The following GNB3 variants were observed in gnomAD, a reference collection of about 807,000 sequenced individuals.
The protein encoded by GNB3 is G protein subunit beta 3.
GNB3 carries 33 observed loss-of-function variants against 41.2 expected under a neutral mutation model. The observed-to-expected ratio is 0.80, with a 90% confidence interval of 0.61 to 1.07. The LOEUF (loss-of-function observed/expected upper bound fraction) is 1.07, where lower values mean the gene tolerates loss of function less well. Ranked by LOEUF, GNB3 falls within the 50% of genes least tolerant of loss-of-function variation. The probability of loss-of-function intolerance (pLI) is 0.00; values close to 1 mark genes in which losing one functional copy is unlikely to be tolerated. For missense variants in GNB3, 409 were observed against 455.3 expected (o/e 0.90, Z 0.92); for synonymous variants, 172 against 173.4 (o/e 0.99, Z 0.06).
Position 6,847,006 on chromosome 12 carries a change from T to A in GNB3, c.*108T>A. The A allele has an allele frequency of 1.5e-6, 1 of 686,042 alleles. No individual in the cohort carries two copies. Among genetic ancestry groups the A allele is most frequent in the Non-Finnish European group, 2.6e-6 (1 of 384,116 alleles). 42.5% of individuals were successfully genotyped at this position (686,042 alleles called of 1,614,324 possible). A position where few individuals can be genotyped will look rare whatever the true frequency, so the allele number is the denominator to read the frequency against. On this transcript the variant is annotated 3_prime_UTR_variant, in exon 10 of 10. Coordinates refer to ENST00000229264, the MANE Select transcript of GNB3 (RefSeq NM_002075.4). ...TCTATATTCCGGGTGCCATTCCCAC[T>A]AAGCTTTCTCCTTTGAGGGCAGTGG...
intron 8 of GNB3, 100 bp downstream of exon 8, chr12:6,844,078 G>C (rs903473724): frequency 2.5e-5 from 12 of 486,294 alleles, no homozygotes; most frequent in East Asian, 5.3e-5. Flanking sequence ...AGCTTCCCTA[G>C]CCCTTTCTTA....
In GNB3 at chr12:6,846,814, C is replaced by T; in HGVS notation, c.939C>T (p.Asn313=). The T allele has an allele frequency of 1.3e-6, 2 of 1,597,670 alleles. No individual in the cohort carries two copies. Among genetic ancestry groups the T allele is most frequent in the Non-Finnish European group, 8.5e-7 (1 of 1,171,692 alleles). Residue 313 remains asparagine (N), a synonymous_variant, in exon 10 of 10, where the codon AAC becomes AAT. Transcript: ENST00000229264. The stretch of plus-strand genomic sequence containing the variant: ...CAGGCATCCTCTCTGGCCACGATAA[C>T]AGGGTGAGCTGCCTGGGAGTCACAG... ...ERVGILSGHD[N]RVSCLGVTAD...
rs146061530 is a variant in GNB3 at position 6,841,371 on chromosome 12, C to A, written c.57+27C>A. 5.8e-4 allele frequency: 936 copies of A among 1,600,502 alleles called. 5 individuals are homozygous for A. In the African/African-American group the frequency reaches 0.011, roughly 19 times the overall value. ...TAACTCCAGAGCCCTACCCCTGGGG[C>A]CCCAGAAAACAGCTGGGGACATGAG... On this transcript the variant is annotated intron_variant, in intron 2 of 9. Transcript: ENST00000229264.
Position 6,845,582 on chromosome 12 carries a change from T to C in GNB3, c.700-4T>C. The C allele has an allele frequency of 6.2e-7, 1 of 1,604,326 alleles. No individual in the cohort carries two copies. The highest frequency in any genetic ancestry group is 1.1e-5 in the South Asian group (1 of 91,032). ...CCTGACCCACTTGCCACCCGTGCCC[T>C]CAGTTCTTCCCCAATGGAGAGGCCA... On this transcript the variant is annotated splice_region_variant and splice_polypyrimidine_tract_variant and intron_variant, in intron 8 of 9. Transcript: ENST00000229264.
rs1457106360 is a variant in GNB3, at chr12:6,843,337, C to G, written c.268-26C>G. 6.2e-7 allele frequency: 1 copy of G among 1,613,430 alleles called. No homozygotes were observed. Among genetic ancestry groups the G allele is most frequent in the Non-Finnish European group, 8.5e-7 (1 of 1,179,404 alleles). On this transcript the variant is annotated intron_variant, in intron 5 of 9. Coordinates refer to ENST00000229264, the MANE Select transcript of GNB3 (RefSeq NM_002075.4). This position sits in a 1 kb window ranked among gnomAD's most constrained non-coding sequence, Gnocchi z 5.9. ...GCTGGGAGCTTGGCTCCGGTCCCAT[C>G]TCTGCTCAAACCACCCTCCCTGCAG...
chr12:6,844,940 ACACAATACTACAG>A (rs1555124244), intron 8 of GNB3: 1 of 152,216 alleles, frequency 6.6e-6, no homozygotes, highest in Admixed American at 6.5e-5. Flanking sequence ...CTCAACATTG[ACACAATACTACAG>A]TCTACAGTCT....
Position 6,841,340 on chromosome 12 carries a change from T to C in GNB3, c.53T>C (p.Ile18Thr). Residue 18 changes from isoleucine to threonine, a missense_variant, in exon 2 of 10, where the codon ATT (isoleucine) becomes ACT (threonine). By Grantham distance (89) the Ile-to-Thr change is moderately conservative (BLOSUM62 -1). Transcript: ENST00000229264. The part of the protein sequence containing the change: ...RQEAEQLKKQ[I>T]ADARKACADV... ...GAAGCGGAGCAGCTCAAGAAGCAGA[T>C]TGCAGTAACTCCAGAGCCCTACCCC... is the stretch of plus-strand genomic sequence containing the variant. 1 of 1,613,120 alleles carries C rather than the reference T, an allele frequency of 6.2e-7. No individual in the cohort carries two copies. Among genetic ancestry groups the C allele is most frequent in the South Asian group, 1.1e-5 (1 of 90,800 alleles).
At chr12:6,842,779 A>G (rs1943596335) in intron 3 of GNB3, among the ~76,000 whole-genome samples, 191 bp from the exon 4 acceptor site, 1 of 152,066 alleles carries the variant, frequency 6.6e-6, no homozygotes, top group Non-Finnish European at 1.5e-5. Context: ...CAAGCAACAC[A>G]CCTCTGGCCA....
In GNB3 at chr12:6,840,993, A is replaced by C; in HGVS notation, c.-71A>C. 2.1e-6 allele frequency: 1 copy of C among 483,482 alleles called. No homozygotes were observed. The highest frequency in any genetic ancestry group is 3.7e-6 in the Non-Finnish European group (1 of 270,656). The allele number at this position is 483,482 out of a possible 1,614,324, so 29.9% of individuals were successfully genotyped here. On this transcript the variant is annotated 5_prime_UTR_variant, in exon 1 of 10. Coordinates refer to ENST00000229264, the MANE Select transcript of GNB3 (RefSeq NM_002075.4). ...TGAGGGAGTAAGGAGGCTCCCAGGA[A>C]CCGGAGCTGGAAACCCGGCCGAGGT...
At chr12:6,846,688 T>TAC (rs782215016) in intron 9 of GNB3, 104 bp from the exon 10 acceptor site, 167 of 629,546 alleles carry the variant, frequency 2.7e-4, no homozygotes, top group Non-Finnish European at 4.4e-4. Flanking sequence ...CACACCCACA[T>TAC]ACACACACAC....
Position 6,847,104 on chromosome 12 carries a change from T to C in GNB3, c.*206T>C. On this transcript the variant is annotated 3_prime_UTR_variant, in exon 10 of 10. Transcript: ENST00000229264. The stretch of plus-strand genomic sequence containing the variant: ...CAAAGAACTGCCCCATCTCCTCCCA[T>C]GGCCTTCCCTCCCCACAGTCCTCAC... 1.8e-6 allele frequency: 1 copy of C among 556,262 alleles called. No individual in the cohort carries two copies. Among genetic ancestry groups the C allele is most frequent in the Non-Finnish European group, 3.2e-6 (1 of 308,258 alleles). The allele number at this position is 556,262 out of a possible 1,614,324, so 34.5% of individuals were successfully genotyped here. A position where few individuals can be genotyped will look rare whatever the true frequency, so the allele number is the denominator to read the frequency against.
At chr12:6,846,633 G>A (rs1038435085) in intron 9 of GNB3, 159 bp from the exon 10 acceptor site, 8 of 598,502 alleles carry the variant, frequency 1.3e-5, no homozygotes, top group African/African-American at 9.2e-5. Context: ...ACACACACAC[G>A]TACACACACC....
At position 6,841,013 on chromosome 12, in the gene GNB3, C is replaced by T. The variant is rs1369328788; in HGVS notation, c.-51C>T. 1.4e-5 allele frequency: 7 copies of T among 511,532 alleles called. No individual in the cohort carries two copies. Among genetic ancestry groups the T allele is most frequent in the African/African-American group, 4.0e-5 (2 of 50,022 alleles). 31.7% of individuals were successfully genotyped at this position (511,532 alleles called of 1,614,324 possible). A position where few individuals can be genotyped will look rare whatever the true frequency, so the allele number is the denominator to read the frequency against. On this transcript the variant is annotated 5_prime_UTR_variant, in exon 1 of 10. Coordinates refer to ENST00000229264, the MANE Select transcript of GNB3 (RefSeq NM_002075.4). ...CAGGAACCGGAGCTGGAAACCCGGCCGAGGTCCAGCCAGAGCCCAAGTAAG... is the reference window on the plus strand; with the variant it reads ...CAGGAACCGGAGCTGGAAACCCGGCTGAGGTCCAGCCAGAGCCCAAGTAAG...
In GNB3 at chr12:6,843,517, C is replaced by A. The variant is rs781936811; in HGVS notation, c.422C>A (p.Ala141Asp). The A allele has an allele frequency of 3.1e-6, 5 of 1,614,138 alleles. No homozygotes were observed. The East Asian group carries it at 1.1e-4, about 36-fold the overall frequency. Residue 141 changes from alanine to aspartate, a missense_variant, in exon 6 of 10, where the codon GCT becomes GAT. Coordinates refer to ENST00000229264, the MANE Select transcript of GNB3 (RefSeq NM_002075.4). This position sits in a 1 kb window ranked among gnomAD's most constrained non-coding sequence, Gnocchi z 5.9. ...GTCAAGGTCAGCCGGGAGCTTTCTG[C>A]TCACACAGGTGAGGGAGAGACCCTC... ...GNVKVSRELSAHTGYLSCCRF... is the reference protein window; with the variant it reads ...GNVKVSRELSDHTGYLSCCRF...
chr12:6,841,765 CA>C, intron 3 of GNB3, 141 bp downstream of exon 3: 1 of 727,014 alleles, frequency 1.4e-6, no homozygotes, highest in East Asian at 2.7e-5. Flanking sequence ...ATTCGACCAA[CA>C]TTTTAGCGGG....
intron 9 of GNB3, 58 bp downstream of exon 9, chr12:6,845,860 C>A (rs1943685737): frequency 1.6e-6 from 2 of 1,214,512 alleles, no homozygotes; most frequent in Non-Finnish European, 1.2e-6. Context: ...CCAGCCCTCC[C>A]TCCCCATTCT....
rs1555123795 is a variant in GNB3, at chr12:6,843,242, C to T, written c.267+5C>T. 1.2e-6 allele frequency: 2 copies of T among 1,613,570 alleles called. No individual in the cohort carries two copies. Among genetic ancestry groups the T allele is most frequent in the Middle Eastern group, 1.6e-4 (1 of 6,062 alleles). On this transcript the variant is annotated splice_donor_5th_base_variant and intron_variant, in intron 5 of 9. Coordinates refer to ENST00000229264, the MANE Select transcript of GNB3 (RefSeq NM_002075.4). The surrounding 1 kb of genome is among the most constrained non-coding windows in gnomAD (Gnocchi z 5.9). ...GACAGCTACACCACCAACAAGGTACCAGCCCTGCCTCCCTGAGCCTCCACC... is the reference window on the plus strand; with the variant it reads ...GACAGCTACACCACCAACAAGGTACTAGCCCTGCCTCCCTGAGCCTCCACC...
chr12:6,843,607 G>A lies in GNB3; in HGVS notation c.431-25G>A. On this transcript the variant is annotated intron_variant, in intron 6 of 9. Coordinates refer to ENST00000229264, the MANE Select transcript of GNB3 (RefSeq NM_002075.4). This position sits in a 1 kb window ranked among gnomAD's most constrained non-coding sequence, Gnocchi z 5.9. ...AGTGGGCTGTGGCTCTGCAGCCAGG[G>A]CACTGTCCTTCTAACCGCCTCCAGG... The A allele has an allele frequency of 6.2e-7, 1 of 1,613,450 alleles. No homozygotes were observed. Among genetic ancestry groups the A allele is most frequent in the African/African-American group, 1.3e-5 (1 of 75,014 alleles).
chr12:6,841,616 C>G lies in GNB3; in HGVS notation c.88C>G (p.Leu30Val), dbSNP rs1429928202. The G allele has an allele frequency of 6.2e-7, 1 of 1,613,032 alleles. No homozygotes were observed. The highest frequency in any genetic ancestry group is 8.5e-7 in the Non-Finnish European group (1 of 1,179,408). ...CAGGAAAGCCTGTGCTGACGTTACT[C>G]TGGCAGAGGTAAGACCCCCTGTCCC... ...DARKACADVT[L>V]AELVSGLEVV... The change falls in exon 3 of 10, where the codon CTG (leucine) becomes GTG (valine). Residue 30 changes from leucine (L) to valine (V), a missense_variant. By Grantham distance (32) the Leu-to-Val change is conservative. Coordinates refer to ENST00000229264, the MANE Select transcript of GNB3 (RefSeq NM_002075.4).
Sources: gnomAD v4.1 joint callset for allele counts (sites outside exome capture counted in the v4.1 genomes callset) on GRCh38, gnomAD v4.1.1 for gene constraint, Gnocchi (gnomAD v3.1) non-coding constraint, MANE v1.5 for transcripts, NCBI Gene and HGNC (gene_info 2026-07-23, HGNC 2026-07-21) for gene names.